Variants in PHYHD1 observed in about 807,000 individuals in gnomAD.
The protein encoded by PHYHD1 is phytanoyl-CoA dioxygenase domain-containing protein 1.
Under a neutral mutation model 43.6 loss-of-function variants are expected in PHYHD1, and 42 were observed. That is an observed-to-expected ratio of 0.96 (90% CI 0.75 to 1.25). The LOEUF (loss-of-function observed/expected upper bound fraction) is 1.25, where lower values mean the gene tolerates loss of function less well. PHYHD1 is among the 50% of genes most tolerant of loss of function. PHYHD1 has a pLI of 0.00. For missense variants in PHYHD1, 342 were observed against 370.8 expected (o/e 0.92, Z 0.64); for synonymous variants, 139 against 143.6 (o/e 0.97, Z 0.23).
chr9:128,936,419 G>A (rs1296105028), intron 6 of PHYHD1, 29 bp from the exon 7 acceptor site: 1 of 1,598,732 alleles, frequency 6.3e-7, no homozygotes, highest in South Asian at 1.1e-5. Context: ...GGCCTGAGAT[G>A]GGGCCGACAG....
chr9:128,932,856 TTTA>T (rs1841328343), intron 4 of PHYHD1, among the ~76,000 whole-genome samples: 1 of 145,604 alleles, frequency 6.9e-6, no homozygotes, highest in Non-Finnish European at 1.5e-5. Flanking sequence ...TATTTATTTA[TTTA>T]TTTTTTGAGA....
rs1841352067 is a variant in PHYHD1, at chr9:128,933,592, C to G, written c.193-190C>G. 4.3e-6 allele frequency: 3 copies of G among 704,154 alleles called. No individual in the cohort carries two copies. The South Asian group carries it at 4.6e-5, about 11-fold the overall frequency. 43.6% of individuals were successfully genotyped at this position (704,154 alleles called of 1,614,324 possible). A position where few individuals can be genotyped will look rare whatever the true frequency, so the allele number is the denominator to read the frequency against. The stretch of plus-strand genomic sequence containing the variant: ...TGTCCAAGAAATTCCATGTTTGCAT[C>G]TTTGGGGTGTGCTTCCAGGCACTTG... On this transcript the variant is annotated intron_variant, in intron 4 of 12. Coordinates refer to ENST00000372592, the MANE Select transcript of PHYHD1 (RefSeq NM_001100876.2).
chr9:128,926,467 G>A (rs1841136352), intron 3 of PHYHD1, among the ~76,000 whole-genome samples: 1 of 151,972 alleles, frequency 6.6e-6, no homozygotes, highest in African/African-American at 2.4e-5. Context: ...TGGTCAGGCT[G>A]GTCTGGAACT....
intron 3 of PHYHD1, among the ~76,000 whole-genome samples, chr9:128,926,401 G>A (rs979539248): frequency 1.1e-4 from 17 of 149,990 alleles, no homozygotes; most frequent in South Asian, 4.2e-4. Context: ...ACAGGCATGC[G>A]CCACCACACC....
Position 128,941,811 on chromosome 9 carries a change from C to CCCTG in PHYHD1, c.*98_*99insCCTG. On this transcript the variant is annotated 3_prime_UTR_variant, in exon 13 of 13. Transcript: ENST00000372592. The stretch of plus-strand genomic sequence containing the variant: ...AGCCTCCTGGTTGCAACAGGGAGGT[C>CCCTG]TTGTCTCCCCTCCTGGGCTTTCCTC... 6.6e-7 allele frequency: 1 copy of CCCTG among 1,516,968 alleles called. No individual in the cohort carries two copies. The highest frequency in any genetic ancestry group is 9.1e-7 in the Non-Finnish European group (1 of 1,097,930). The allele number at this position is 1,516,968 out of a possible 1,614,324, so 94.0% of individuals were successfully genotyped here. A position where few individuals can be genotyped will look rare whatever the true frequency, so the allele number is the denominator to read the frequency against.
rs571547054 is a variant in PHYHD1 at position 128,932,018 on chromosome 9, A to G, written c.193-1764A>G. ...CCCGGCTAATTTTTGCATTTTTAGT[A>G]GAGATGGGGTCTCATCATATTGGTC... On this transcript the variant is annotated intron_variant, in intron 4 of 12. Transcript: ENST00000372592. 5.3e-5 allele frequency among the ~76,000 whole-genome samples: 8 copies of G among 150,008 alleles called. No homozygotes were observed. In the East Asian group the frequency reaches 1.4e-3, roughly 26 times the overall value.
intron 4 of PHYHD1, among the ~76,000 whole-genome samples, chr9:128,932,200 A>C (rs112146681): frequency 0.043 from 4,829 of 112,390 alleles, 460 homozygotes; most frequent in African/African-American, 0.18. Context: ...TTTTTTTGAG[A>C]TGGAGTCTCG....
chr9:128,937,631 G>A (rs1841457747), intron 8 of PHYHD1, 126 bp from the exon 9 acceptor site: 1 of 1,062,538 alleles, frequency 9.4e-7, no homozygotes, highest in African/African-American at 1.6e-5. Context: ...TCAGTAGCTG[G>A]GTGTTGATGT....
At chr9:128,932,149 CTATTATTATTATTAT>C (rs200910690) in intron 4 of PHYHD1, among the ~76,000 whole-genome samples, 3 of 128,002 alleles carry the variant, frequency 2.3e-5, no homozygotes, top group Non-Finnish European at 4.8e-5. Flanking sequence ...GAAGTCAGTT[CTATTATTATTATTAT>C]TATTGTTATT....
At position 128,928,949 on chromosome 9, in the gene PHYHD1, G is replaced by A. The variant is rs1370792809; in HGVS notation, c.192+1753G>A. 3.3e-5 allele frequency among the ~76,000 whole-genome samples: 5 copies of A among 152,302 alleles called. No individual in the cohort carries two copies. In the South Asian group the frequency reaches 6.2e-4, roughly 19 times the overall value. On this transcript the variant is annotated intron_variant, in intron 4 of 12. Transcript: ENST00000372592. Reference sequence around the variant, plus strand: ...ACTGATAATAATGCACATGATACTTGTCCAAGTAGGGGGTCAGTACCACTC... The same window carrying A: ...ACTGATAATAATGCACATGATACTTATCCAAGTAGGGGGTCAGTACCACTC...
At chr9:128,941,313 C>A in intron 11 of PHYHD1, 132 bp from the exon 12 acceptor site, 1 of 1,255,458 alleles carries the variant, frequency 8.0e-7, no homozygotes, top group Non-Finnish European at 1.1e-6. Context: ...GATGCCTGAG[C>A]TTTCAGGGAA....
intron 4 of PHYHD1, among the ~76,000 whole-genome samples, chr9:128,931,330 C>T (rs1399269429): frequency 1.3e-5 from 2 of 151,884 alleles, no homozygotes; most frequent in Non-Finnish European, 2.9e-5. Context: ...CAGGCTGTCT[C>T]GAACTCCTGA....
At chr9:128,936,673 A>G in intron 8 of PHYHD1, 28 bp downstream of exon 8, 1 of 1,550,146 alleles carries the variant, frequency 6.5e-7, no homozygotes, top group Non-Finnish European at 8.7e-7. Context: ...GCCTCAGTTT[A>G]CCATCTGTAA....
At chr9:128,938,636 T>C (rs1175649373) in intron 9 of PHYHD1, among the ~76,000 whole-genome samples, 3 of 151,004 alleles carry the variant, frequency 2.0e-5, no homozygotes, top group Non-Finnish European at 4.4e-5. Context: ...TTGGCCAGGC[T>C]GGTCTCGAAC....
At chr9:128,940,145 A>G (rs998868928) in intron 9 of PHYHD1, among the ~76,000 whole-genome samples, 4 of 152,156 alleles carry the variant, frequency 2.6e-5, no homozygotes, top group Non-Finnish European at 5.9e-5. Flanking sequence ...GCACCCTGTG[A>G]GGTAGGTTGT....
chr9:128,927,271 TGGAA>T, intron 4 of PHYHD1, 75 bp downstream of exon 4: 1 of 1,574,834 alleles, frequency 6.3e-7, no homozygotes, highest in Non-Finnish European at 8.7e-7. Context: ...AGCAGCATCG[TGGAA>T]GGGAGGATCC....
At chr9:128,935,614 C>T (rs1841405429) in intron 6 of PHYHD1, among the ~76,000 whole-genome samples, 4 of 144,500 alleles carry the variant, frequency 2.8e-5, no homozygotes, top group Admixed American at 1.4e-4. Context: ...TTTTAAAGTA[C>T]GTAGCTTGGC....
chr9:128,940,756 C>A, intron 11 of PHYHD1, 41 bp downstream of exon 11: 1 of 1,597,302 alleles, frequency 6.3e-7, no homozygotes, highest in South Asian at 1.1e-5. Context: ...GGGCTGAGTC[C>A]ATCAGTCTGT....
In PHYHD1 at chr9:128,936,444, A is replaced by G. The variant is rs771438581; in HGVS notation, c.317-4A>G. On this transcript the variant is annotated splice_polypyrimidine_tract_variant and splice_region_variant and intron_variant, in intron 6 of 12. Transcript: ENST00000372592. ...GGGGCCGACAGCTTCCTTCTGTCCC[A>G]TAGCTCTGCACGCCCACGACCCCGT... 7 of 1,611,104 alleles carry G rather than the reference A, an allele frequency of 4.3e-6. No individual in the cohort carries two copies. The East Asian group carries it at 6.7e-5, about 15-fold the overall frequency.
Sources: gnomAD v4.1 joint callset for allele counts (sites outside exome capture counted in the v4.1 genomes callset) on GRCh38, gnomAD v4.1.1 for gene constraint, MANE v1.5 for transcripts, NCBI Gene and HGNC (gene_info 2026-07-23, HGNC 2026-07-21) for gene names.